Variants in STX7 observed in about 807,000 individuals in gnomAD.
STX7 encodes the protein syntaxin-7.
In STX7, 34 loss-of-function variants were observed where a neutral mutation model predicts 39.6. The ratio of observed to expected loss-of-function variants is 0.86; its 90% CI spans 0.65 to 1.14. The LOEUF (loss-of-function observed/expected upper bound fraction) is 1.14, where lower values mean the gene tolerates loss of function less well. Ranked by LOEUF, STX7 falls within the 50% of genes most tolerant of loss-of-function variation. The pLI, the probability that STX7 is intolerant of heterozygous loss-of-function variation, is 0.00. For missense variants in STX7, 284 were observed against 310.4 expected, an observed-to-expected ratio of 0.92 and a Z score of 0.64; for synonymous variants, 119 against 99.1, an observed-to-expected ratio of 1.20 and a Z score of -1.19.
At chr6:132,497,009 A>T (rs1013683379) in intron 2 of STX7, among the ~76,000 whole-genome samples, 3 of 152,186 alleles carry the variant, frequency 2.0e-5, no homozygotes, top group African/African-American at 7.2e-5. Flanking sequence ...CATATCTGGT[A>T]CAACCACTTT....
intron 3 of STX7, among the ~76,000 whole-genome samples, chr6:132,475,116 T>G (rs1774838891): frequency 6.6e-6 from 1 of 151,646 alleles, no homozygotes; most frequent in African/African-American, 2.4e-5. Context: ...AGGGTAAGCC[T>G]ATCAAGGAAT....
intron 9 of STX7, among the ~76,000 whole-genome samples, chr6:132,463,339 G>C (rs892328292): frequency 4.3e-4 from 65 of 152,312 alleles, no homozygotes; most frequent in African/African-American, 1.5e-3. Context: ...TATCCAATTT[G>C]AACATCAAAG....
At position 132,500,551 on chromosome 6, in the gene STX7, C is replaced by T. The variant is rs543404009; in HGVS notation, c.85+2895G>A. ...TAGCTTCCCCAGTCACTTGCTCTCA[C>T]CTCACTTTCACTATATTTTCTTTAC... On this transcript the variant is annotated intron_variant, in intron 2 of 9. Coordinates refer to ENST00000367941, the MANE Select transcript of STX7 (RefSeq NM_003569.3). Among the ~76,000 whole-genome samples the T allele has an allele frequency of 3.4e-4, 52 of 152,308 alleles. No homozygotes were observed. The Middle Eastern group carries it at 0.01, about 30-fold the overall frequency.
chr6:132,498,837 TATCTA>T, intron 2 of STX7, among the ~76,000 whole-genome samples: 1 of 152,358 alleles, frequency 6.6e-6, no homozygotes, highest in South Asian at 2.1e-4. Flanking sequence ...AACAATACTT[TATCTA>T]ATCTAAACTC....
chr6:132,462,090 C>T (rs559437816), intron 9 of STX7, among the ~76,000 whole-genome samples: 11 of 152,204 alleles, frequency 7.2e-5, no homozygotes, highest in African/African-American at 2.6e-4. Context: ...AGTTGGTTAC[C>T]ACAAACACAC....
Position 132,455,391 on chromosome 6 carries a change from T to C in STX7, c.*5367A>G, listed in dbSNP as rs1774220904. 6.6e-6 allele frequency: 1 copy of C among 152,232 alleles called. No homozygotes were observed. Among genetic ancestry groups the C allele is most frequent in the South Asian group, 2.1e-4 (1 of 4,836 alleles). 9.4% of individuals were successfully genotyped at this position (152,232 alleles called of 1,614,324 possible). On this transcript the variant is annotated 3_prime_UTR_variant, in exon 10 of 10. Coordinates refer to ENST00000367941, the MANE Select transcript of STX7 (RefSeq NM_003569.3). ...ATTAGGTGTTGGAGTTAGTAACTAC[T>C]GCCTAACGATACTTACAGTAAACAC...
Position 132,458,822 on chromosome 6 carries a change from TA to T in STX7, c.*1935del, listed in dbSNP as rs1328419307. On this transcript the variant is annotated 3_prime_UTR_variant, in exon 10 of 10. Coordinates refer to ENST00000367941, the MANE Select transcript of STX7 (RefSeq NM_003569.3). ...CTAAAGTTCCTGTTTAAACCACTGA[TA>T]ACTGCCCCAGTTAAAATAATAATAA... 2 of 152,214 alleles carry T rather than the reference TA, an allele frequency of 1.3e-5. No homozygotes were observed. Among genetic ancestry groups the T allele is most frequent in the Non-Finnish European group, 2.9e-5 (2 of 68,042 alleles). The allele number at this position is 152,214 out of a possible 1,614,324, so 9.4% of individuals were successfully genotyped here.
chr6:132,489,934 T>C (rs929987960), intron 2 of STX7, among the ~76,000 whole-genome samples: 1 of 152,182 alleles, frequency 6.6e-6, no homozygotes, highest in African/African-American at 2.4e-5. Context: ...AAAAATAAAG[T>C]ACAAAAACAA....
chr6:132,507,425 C>T (rs182295747), intron 1 of STX7, among the ~76,000 whole-genome samples: 23 of 152,316 alleles, frequency 1.5e-4, no homozygotes, highest in East Asian at 5.8e-4. Context: ...ATTTCTATTA[C>T]GCTAAAAGGA....
chr6:132,495,652 A>T (rs1483389978), intron 2 of STX7, among the ~76,000 whole-genome samples: 2 of 152,182 alleles, frequency 1.3e-5, no homozygotes, highest in African/African-American at 4.8e-5. Flanking sequence ...GGCACCAAAA[A>T]AAAAAGTGAT....
intron 1 of STX7, among the ~76,000 whole-genome samples, chr6:132,504,266 T>C (rs937933988): frequency 2.6e-5 from 4 of 152,204 alleles, no homozygotes; most frequent in Non-Finnish European, 5.9e-5. Flanking sequence ...CAGAGCCAAC[T>C]ACTGCGAAGC....
intron 1 of STX7, 133 bp from the exon 2 acceptor site, chr6:132,503,721 C>G: frequency 2.7e-6 from 1 of 373,304 alleles, no homozygotes; most frequent in Non-Finnish European, 4.8e-6. Context: ...AGTGACACAT[C>G]AAATAGCAAA....
Position 132,455,177 on chromosome 6 carries a change from C to T in STX7, c.*5581G>A, listed in dbSNP as rs990714935. On this transcript the variant is annotated 3_prime_UTR_variant, in exon 10 of 10. Coordinates refer to ENST00000367941, the MANE Select transcript of STX7 (RefSeq NM_003569.3). ...TTATTAAAAAAGCAAAAGCTTGCAT[C>T]TTACTTGGATTAAAAACCTAATTTC... is the stretch of plus-strand genomic sequence containing the variant. The T allele has an allele frequency of 6.6e-6, 1 of 152,168 alleles. No individual in the cohort carries two copies. Among genetic ancestry groups the T allele is most frequent in the African/African-American group, 2.4e-5 (1 of 41,450 alleles). 9.4% of individuals were successfully genotyped at this position (152,168 alleles called of 1,614,324 possible).
chr6:132,493,165 T>C (rs1775338289), intron 2 of STX7, among the ~76,000 whole-genome samples: 1 of 152,162 alleles, frequency 6.6e-6, no homozygotes, highest in Non-Finnish European at 1.5e-5. Context: ...ATAATGATAA[T>C]GATAATGATA....
chr6:132,490,910 T>A (rs1775263819), intron 2 of STX7, among the ~76,000 whole-genome samples: 1 of 151,446 alleles, frequency 6.6e-6, no homozygotes, highest in Non-Finnish European at 1.5e-5. Flanking sequence ...CGGGAAGCCC[T>A]CCTACACCAG....
chr6:132,509,443 T>TC, intron 1 of STX7, among the ~76,000 whole-genome samples: 1 of 136,538 alleles, frequency 7.3e-6, no homozygotes, highest in Admixed American at 7.5e-5. Flanking sequence ...AGAGCGAGAC[T>TC]CGTCTCAAAA....
intron 2 of STX7, among the ~76,000 whole-genome samples, chr6:132,494,821 C>T (rs769771208): frequency 5.3e-5 from 8 of 152,168 alleles, no homozygotes; most frequent in Non-Finnish European, 1.0e-4. Flanking sequence ...ATGACATGAT[C>T]TGATTTACAG....
Position 132,464,002 on chromosome 6 carries a change from T to C in STX7, c.684A>G (p.Ala228=), listed in dbSNP as rs1307054422. Residue 228 remains alanine (A), a synonymous_variant, in exon 9 of 10, where the codon GCA becomes GCG. Coordinates refer to ENST00000367941, the MANE Select transcript of STX7 (RefSeq NM_003569.3). ...QQANQQLSRA[A]DYQRKSRKTL... ...ATCACAGTTAAATTACCTGATAATC[T>C]GCTGCCCTTGACAGCTGCTGATTTG... The C allele has an allele frequency of 1.2e-6, 2 of 1,614,128 alleles. No homozygotes were observed. Among genetic ancestry groups the C allele is most frequent in the Admixed American group, 1.7e-5 (1 of 60,018 alleles).
rs761130340 is a variant in STX7, at chr6:132,446,469, T to C, written c.*14289A>G. On this transcript the variant is annotated 3_prime_UTR_variant, in exon 10 of 10. Coordinates refer to ENST00000367941, the MANE Select transcript of STX7 (RefSeq NM_003569.3). ...ACAAAAGTCTTCCTAGATACAAGAA[T>C]GAGGTTTTAAGAGATAATCTTTGTT... is the stretch of plus-strand genomic sequence containing the variant. 27 of 152,174 alleles carry C rather than the reference T, an allele frequency of 1.8e-4. No homozygotes were observed. Among genetic ancestry groups the C allele is most frequent in the African/African-American group, 6.3e-4 (26 of 41,446 alleles). The allele number at this position is 152,174 out of a possible 1,614,324, so 9.4% of individuals were successfully genotyped here.
Sources: gnomAD v4.1 joint callset for allele counts (sites outside exome capture counted in the v4.1 genomes callset) on GRCh38, gnomAD v4.1.1 for gene constraint, MANE v1.5 for transcripts, NCBI Gene and HGNC (gene_info 2026-07-23, HGNC 2026-07-21) for gene names.